The following ZBTB16 variants were observed in gnomAD, a reference collection of about 807,000 sequenced individuals.
ZBTB16 encodes the protein zinc finger and BTB domain-containing protein 16.
Under a neutral mutation model 56.8 loss-of-function variants are expected in ZBTB16, and 8 were observed. The observed-to-expected ratio is 0.14, with a 90% CI of 0.08 to 0.25. The LOEUF is 0.25. Ranked by LOEUF, ZBTB16 falls within the 10% of genes least tolerant of loss-of-function variation. ZBTB16 has a pLI of 1.00. For synonymous variants in ZBTB16, 363 were observed against 368.5 expected, an observed-to-expected ratio of 0.98 and a Z score of 0.17; for missense variants, 625 against 903.0, an observed-to-expected ratio of 0.69 and a Z score of 3.95.
intron 4 of ZBTB16, among the ~76,000 whole-genome samples, chr11:114,209,177 C>G (rs1943948606): frequency 6.6e-6 from 1 of 152,162 alleles, no homozygotes; most frequent in Non-Finnish European, 1.5e-5. Context: ...GATAACCCAA[C>G]TCTGGTGGGG....
rs756526051 is a variant in ZBTB16 at position 114,063,299 on chromosome 11, C to T, written c.-2C>T. 4.3e-6 allele frequency: 7 copies of T among 1,613,742 alleles called. No individual in the cohort carries two copies. The highest frequency in any genetic ancestry group is 2.2e-5 in the East Asian group (1 of 44,874). ...CCTCATGCCTGAGCCGAGGGGAGCACCATGGATCTGACAAAAATGGGCATG... is the reference window on the plus strand; with the variant it reads ...CCTCATGCCTGAGCCGAGGGGAGCATCATGGATCTGACAAAAATGGGCATG... On this transcript the variant is annotated 5_prime_UTR_variant, in exon 2 of 7. Transcript: ENST00000335953. This position sits in a 1 kb window ranked among gnomAD's most constrained non-coding sequence, Gnocchi z 6.5.
chr11:114,062,438 C>G (rs1023392601), intron 1 of ZBTB16, among the ~76,000 whole-genome samples: 1 of 152,234 alleles, frequency 6.6e-6, no homozygotes, highest in African/African-American at 2.4e-5. Context: ...GGCTGGTGTA[C>G]ATACACACAG....
At chr11:114,120,618 C>T (rs1941315513) in intron 2 of ZBTB16, among the ~76,000 whole-genome samples, 1 of 152,240 alleles carries the variant, frequency 6.6e-6, no homozygotes, top group Admixed American at 6.5e-5. Flanking sequence ...CCCTGCTCCA[C>T]ACTCACCACT....
chr11:114,114,609 T>A (rs543655711), intron 2 of ZBTB16, among the ~76,000 whole-genome samples: 2 of 152,314 alleles, frequency 1.3e-5, no homozygotes, highest in South Asian at 4.1e-4. Context: ...AGTAAATATG[T>A]TCTCTAGAAT....
chr11:114,155,032 A>G, intron 2 of ZBTB16, among the ~76,000 whole-genome samples: 1 of 129,354 alleles, frequency 7.7e-6, no homozygotes, highest in East Asian at 2.0e-4. Flanking sequence ...CCATCTAGAT[A>G]CTGCCAGCTT....
intron 2 of ZBTB16, among the ~76,000 whole-genome samples, chr11:114,070,610 G>A (rs1002901743): frequency 1.1e-4 from 16 of 152,268 alleles, no homozygotes; most frequent in Admixed American, 3.9e-4. Context: ...AGTCCTGGGC[G>A]CTCTGCACCA....
chr11:114,255,970 G>A lies in ZBTB16; in HGVS notation c.*5415G>A, dbSNP rs1945000245. On this transcript the variant is annotated 3_prime_UTR_variant, in exon 7 of 7. Transcript: ENST00000335953. ...AGAAGAGAATAAAGTTAATTCAGTT[G>A]TCTCTCGCTTGAAGCGTCCCACCTT... 6.6e-6 allele frequency among the ~76,000 whole-genome samples: 1 copy of A among 150,946 alleles called. No homozygotes were observed. Among genetic ancestry groups the A allele is most frequent in the African/African-American group, 2.4e-5 (1 of 41,124 alleles).
chr11:114,189,169 T>C (rs1289655552), intron 4 of ZBTB16: 2 of 152,176 alleles, frequency 1.3e-5, no homozygotes, highest in African/African-American at 2.4e-5. Context: ...ACAAAATATT[T>C]GCAAATCATA....
At position 114,143,699 on chromosome 11, in the gene ZBTB16, C is replaced by T. The variant is rs1286241746; in HGVS notation, c.1269-12638C>T. ...TTGAGGCTCCAGCCTCTCTTCTCCTCCATGCCATGGACCGTCGCTGCATCA... is the reference window on the plus strand; with the variant it reads ...TTGAGGCTCCAGCCTCTCTTCTCCTTCATGCCATGGACCGTCGCTGCATCA... On this transcript the variant is annotated intron_variant, in intron 2 of 6. Transcript: ENST00000335953. The surrounding 1 kb of genome is among the most constrained non-coding windows in gnomAD (Gnocchi z 6.4). Among the ~76,000 whole-genome samples, 2 of 152,218 alleles carry T rather than the reference C, an allele frequency of 1.3e-5. No homozygotes were observed. Among genetic ancestry groups the T allele is most frequent in the Admixed American group, 1.3e-4 (2 of 15,282 alleles).
intron 2 of ZBTB16, among the ~76,000 whole-genome samples, chr11:114,151,007 G>A (rs1942265871): frequency 6.6e-6 from 1 of 152,160 alleles, no homozygotes; most frequent in East Asian, 1.9e-4. Context: ...TCTCATGGGG[G>A]CGGCAGACTT....
At chr11:114,153,774 A>T (rs144133795) in intron 2 of ZBTB16, among the ~76,000 whole-genome samples, 161 of 152,308 alleles carry the variant, frequency 1.1e-3, no homozygotes, top group African/African-American at 3.7e-3. Flanking sequence ...AGGTAAAAGG[A>T]TATGGGTAAG....
rs1942301669 is a variant in ZBTB16, at chr11:114,152,470, G to C, written c.1269-3867G>C. 2.0e-5 allele frequency among the ~76,000 whole-genome samples: 3 copies of C among 152,216 alleles called. No homozygotes were observed. The South Asian group carries it at 6.2e-4, about 32-fold the overall frequency. ...TTTCTCATAATGATTCAGCTTTCTT[G>C]AGACAATAGAAACTGGTTAGAGGTT... On this transcript the variant is annotated intron_variant, in intron 2 of 6. Coordinates refer to ENST00000335953, the MANE Select transcript of ZBTB16 (RefSeq NM_006006.6).
intron 2 of ZBTB16, among the ~76,000 whole-genome samples, chr11:114,126,337 C>T (rs1350233848): frequency 6.6e-6 from 1 of 152,204 alleles, no homozygotes; most frequent in Non-Finnish European, 1.5e-5. Flanking sequence ...CTCTCTGTTT[C>T]ATTATCCATG....
chr11:114,238,784 T>G (rs1469423450), intron 4 of ZBTB16, among the ~76,000 whole-genome samples: 1 of 152,190 alleles, frequency 6.6e-6, no homozygotes, highest in Non-Finnish European at 1.5e-5. Context: ...GGCCTGACCT[T>G]GGCCCCATCT....
intron 3 of ZBTB16, among the ~76,000 whole-genome samples, chr11:114,159,940 G>GGGA (rs1555145935): frequency 2.0e-5 from 3 of 148,062 alleles, no homozygotes; most frequent in African/African-American, 7.6e-5. Flanking sequence ...GGGGAGGCGG[G>GGGA]GGGGAGGCGA....
chr11:114,218,217 T>G (rs1223250264), intron 4 of ZBTB16, among the ~76,000 whole-genome samples: 1 of 152,238 alleles, frequency 6.6e-6, no homozygotes, highest in Admixed American at 6.5e-5. Flanking sequence ...CCAACCCAGG[T>G]GAACCCTTCT....
chr11:114,242,471 G>C, intron 5 of ZBTB16, 134 bp downstream of exon 5: 2 of 1,302,322 alleles, frequency 1.5e-6, no homozygotes, highest in Non-Finnish European at 2.1e-6. Flanking sequence ...GACGTGCAGA[G>C]GCTGCCCGTC....
intron 4 of ZBTB16, among the ~76,000 whole-genome samples, chr11:114,217,493 A>C (rs1281594166): frequency 1.3e-5 from 2 of 152,182 alleles, no homozygotes; most frequent in African/African-American, 4.8e-5. Flanking sequence ...TCGAGTGACC[A>C]AGAGGATGTT....
chr11:114,167,029 A>G (rs1048506350), intron 3 of ZBTB16, among the ~76,000 whole-genome samples: 5 of 152,192 alleles, frequency 3.3e-5, no homozygotes, highest in African/African-American at 9.7e-5. Context: ...AAAAAATAAC[A>G]GCAGCAGCAT....
Sources: allele counts gnomAD v4.1 joint callset (sites outside exome capture counted in the v4.1 genomes callset), GRCh38; gene constraint gnomAD v4.1.1; non-coding constraint Gnocchi (gnomAD v3.1); transcripts MANE v1.5; gene names NCBI Gene and HGNC (gene_info 2026-07-23, HGNC 2026-07-21).